Variants in CHST8 observed in about 807,000 individuals in gnomAD.
CHST8 encodes the protein GALNAC-4-ST1.
Under a neutral mutation model 15.0 loss-of-function variants are expected in CHST8, and 10 were observed. The observed-to-expected ratio is 0.67, with a 90% CI of 0.41 to 1.13. The LOEUF (loss-of-function observed/expected upper bound fraction) is 1.13. Ranked by LOEUF, CHST8 falls within the 50% of genes most tolerant of loss-of-function variation. The pLI is 0.00. For synonymous variants in CHST8, 259 were observed against 256.6 expected, an observed-to-expected ratio of 1.01 and a Z score of -0.09; for missense variants, 634 against 608.2, an observed-to-expected ratio of 1.04 and a Z score of -0.45.
chr19:33,736,757 G>A (rs747849655), intron 3 of CHST8, among the ~76,000 whole-genome samples: 6 of 152,174 alleles, frequency 3.9e-5, no homozygotes, highest in Non-Finnish European at 7.3e-5. Flanking sequence ...TACTGCAGAC[G>A]TTGGGAGTCT....
intron 3 of CHST8, among the ~76,000 whole-genome samples, chr19:33,710,640 C>A (rs959836100): frequency 1.3e-5 from 2 of 152,158 alleles, no homozygotes; most frequent in Non-Finnish European, 2.9e-5. Context: ...TTTATCACAA[C>A]CTTGGGCTAG....
intron 1 of CHST8, among the ~76,000 whole-genome samples, chr19:33,654,517 C>A (rs976284014): frequency 1.3e-5 from 2 of 152,052 alleles, no homozygotes; most frequent in African/African-American, 4.8e-5. Context: ...TGCTTCAGAA[C>A]ATTTCAAAAA....
chr19:33,739,806 G>C (rs1974153199), intron 3 of CHST8, among the ~76,000 whole-genome samples: 1 of 152,094 alleles, frequency 6.6e-6, no homozygotes, highest in African/African-American at 2.4e-5. Context: ...TGACATCCAG[G>C]CTCTGGGCAT....
At chr19:33,762,864 C>T (rs199625377) in intron 3 of CHST8, among the ~76,000 whole-genome samples, 17,744 of 116,240 alleles carry the variant, frequency 0.15, 1,199 homozygotes, top group African/African-American at 0.18. Context: ...AGTTTTCTCT[C>T]TTTTTTTTTT....
chr19:33,657,438 T>C (rs1972525314), intron 1 of CHST8, among the ~76,000 whole-genome samples: 1 of 151,478 alleles, frequency 6.6e-6, no homozygotes, highest in Non-Finnish European at 1.5e-5. Context: ...CTGCCTAATT[T>C]TTGTGTTTTT....
At chr19:33,714,666 A>T (rs1416014555) in intron 3 of CHST8, among the ~76,000 whole-genome samples, 1 of 152,300 alleles carries the variant, frequency 6.6e-6, no homozygotes, top group South Asian at 2.1e-4. Context: ...ATGTCCTGGG[A>T]GGGACCCAGT....
intron 3 of CHST8, among the ~76,000 whole-genome samples, chr19:33,693,132 G>A (rs144709071): frequency 0.03 from 4,594 of 151,222 alleles, 206 homozygotes; most frequent in African/African-American, 0.11. Flanking sequence ...TCAGCCTCTC[G>A]AGTAGCTGGG....
chr19:33,769,707 C>T (rs1974930323), intron 3 of CHST8, among the ~76,000 whole-genome samples: 1 of 152,012 alleles, frequency 6.6e-6, no homozygotes, highest in Non-Finnish European at 1.5e-5. Flanking sequence ...GCACCTGCTA[C>T]TTACACCCCA....
chr19:33,768,651 A>G (rs1974903301), intron 3 of CHST8, among the ~76,000 whole-genome samples: 2 of 151,954 alleles, frequency 1.3e-5, no homozygotes, highest in Non-Finnish European at 2.9e-5. Flanking sequence ...ATCGGGTTTC[A>G]CTATATTGGC....
At chr19:33,669,108 T>C (rs1352039509) in intron 2 of CHST8, among the ~76,000 whole-genome samples, 1 of 152,184 alleles carries the variant, frequency 6.6e-6, no homozygotes, top group African/African-American at 2.4e-5. Flanking sequence ...CAGGCACCAG[T>C]GCACTGTGCT....
intron 3 of CHST8, among the ~76,000 whole-genome samples, chr19:33,756,979 G>A (rs1171888295): frequency 6.6e-6 from 1 of 152,180 alleles, no homozygotes; most frequent in Non-Finnish European, 1.5e-5. Flanking sequence ...GGCTGTGAGG[G>A]GGCAGTGGAA....
At chr19:33,627,358 C>A (rs1358033563) in intron 1 of CHST8, among the ~76,000 whole-genome samples, 3 of 151,636 alleles carry the variant, frequency 2.0e-5, no homozygotes, top group Non-Finnish European at 1.5e-5. Context: ...GTGATCTGCC[C>A]ATCTCGGGCT....
intron 3 of CHST8, among the ~76,000 whole-genome samples, chr19:33,707,872 C>T (rs916074107): frequency 1.3e-5 from 2 of 152,170 alleles, no homozygotes; most frequent in East Asian, 1.9e-4. Context: ...ACATTCTCAC[C>T]AGCAGGGTAT....
rs1038157884 is a variant in CHST8, at chr19:33,633,771, T to G, written c.-164+11475T>G. On this transcript the variant is annotated intron_variant, in intron 1 of 4. Transcript: ENST00000650847. ...GCAGGTACTGTTGAACAGTTTTCTT[T>G]TTCGTGTGTGTGTGTGTGTGTGTGT... Among the ~76,000 whole-genome samples the G allele has an allele frequency of 6.0e-5, 7 of 115,764 alleles. No homozygotes were observed. In the East Asian group the frequency reaches 1.7e-3, roughly 27 times the overall value. 75.9% of individuals were successfully genotyped at this position (115,764 alleles called of 152,430 possible).
chr19:33,728,967 G>T (rs537532641), intron 3 of CHST8, among the ~76,000 whole-genome samples: 1 of 152,186 alleles, frequency 6.6e-6, no homozygotes, highest in African/African-American at 2.4e-5. Context: ...TGAGTCCTGC[G>T]GGATGGGCTT....
intron 3 of CHST8, among the ~76,000 whole-genome samples, chr19:33,724,688 T>G (rs1327947598): frequency 6.6e-6 from 1 of 152,138 alleles, no homozygotes; most frequent in Non-Finnish European, 1.5e-5. Context: ...CCCTGCCCCC[T>G]CTCCTTCCCT....
intron 2 of CHST8, among the ~76,000 whole-genome samples, chr19:33,672,191 CTT>C (rs34109455): frequency 0.22 from 33,507 of 151,690 alleles, 3,938 homozygotes; most frequent in Admixed American, 0.28. Context: ...TATTTCTTTT[CTT>C]TTTTTGTGTG....
chr19:33,689,241 T>C lies in CHST8; in HGVS notation c.-21T>C. Reference sequence around the variant, plus strand: ...GAACGTGCCCCCCACACCCAAGAGGTGACCCCTGAGCCAGCCCCGGATGAC... The same window carrying C: ...GAACGTGCCCCCCACACCCAAGAGGCGACCCCTGAGCCAGCCCCGGATGAC... On this transcript the variant is annotated 5_prime_UTR_variant, in exon 3 of 5. Transcript: ENST00000650847. The C allele has an allele frequency of 6.5e-7, 1 of 1,544,488 alleles. No homozygotes were observed. Among genetic ancestry groups the C allele is most frequent in the Admixed American group, 1.9e-5 (1 of 51,292 alleles).
Position 33,698,142 on chromosome 19 carries a change from T to A in CHST8, c.130+8751T>A, listed in dbSNP as rs113105260. Among the ~76,000 whole-genome samples the A allele has an allele frequency of 1.0e-2, 1,521 of 152,276 alleles. 30 individuals are homozygous for A. Among genetic ancestry groups the A allele is most frequent in the African/African-American group, 0.035 (1,460 of 41,556 alleles). ...AAATACAAAAATAAGCCGGGCGTGA[T>A]GGCATGGGCCTGTAGTCCCAGCTAC... On this transcript the variant is annotated intron_variant, in intron 3 of 4. Transcript: ENST00000650847.
Sources: allele counts gnomAD v4.1 joint callset (sites outside exome capture counted in the v4.1 genomes callset), GRCh38; gene constraint gnomAD v4.1.1; transcripts MANE v1.5; gene names NCBI Gene and HGNC (gene_info 2026-07-23, HGNC 2026-07-21).